The following FOXP1 variants were observed in gnomAD, a reference collection of about 807,000 sequenced individuals.
FOXP1 encodes forkhead box protein P1.
In FOXP1, 15 loss-of-function variants were observed where a neutral mutation model predicts 98.2. The ratio of observed to expected loss-of-function variants is 0.15; its 90% confidence interval spans 0.10 to 0.24. FOXP1 has a LOEUF of 0.24. FOXP1 is among the 10% of genes least tolerant of loss of function. The probability of loss-of-function intolerance (pLI) is 1.00; values close to 1 mark genes in which losing one functional copy is unlikely to be tolerated. For missense variants in FOXP1, 633 were observed against 848.5 expected (o/e 0.75, Z 3.15); for synonymous variants, 371 against 314.5 (o/e 1.18, Z -1.90).
chr3:71,574,673 T>A (rs987027326), intron 2 of FOXP1, among the ~76,000 whole-genome samples: 1 of 152,026 alleles, frequency 6.6e-6, no homozygotes. Context: ...AAAATTAAGA[T>A]GGAATACTCA....
chr3:71,149,371 T>C (rs1031408185), intron 6 of FOXP1, among the ~76,000 whole-genome samples: 2 of 152,230 alleles, frequency 1.3e-5, no homozygotes, highest in Admixed American at 1.3e-4. Context: ...CATTGTTTTT[T>C]TCTTTCCATT....
At chr3:71,072,035 A>T (rs2053306268) in intron 7 of FOXP1, among the ~76,000 whole-genome samples, 1 of 152,216 alleles carries the variant, frequency 6.6e-6, no homozygotes, top group Non-Finnish European at 1.5e-5. Context: ...AACTACCAGA[A>T]ATAGGGCTGG....
intron 7 of FOXP1, among the ~76,000 whole-genome samples, chr3:71,075,562 C>T (rs1413288599): frequency 1.3e-5 from 2 of 152,108 alleles, no homozygotes; most frequent in African/African-American, 4.8e-5. Flanking sequence ...GTCACTAGAC[C>T]AAGAATCATC....
chr3:71,112,513 T>C, intron 7 of FOXP1, 23 bp downstream of exon 7: 1 of 1,571,718 alleles, frequency 6.4e-7, no homozygotes, highest in Non-Finnish European at 8.8e-7. Context: ...TAATGTCAAT[T>C]TAAAAAGAAA....
At chr3:71,508,169 GA>G (rs1331270061) in intron 2 of FOXP1, among the ~76,000 whole-genome samples, 10 of 152,232 alleles carry the variant, frequency 6.6e-5, no homozygotes, top group Admixed American at 4.6e-4. Flanking sequence ...TCTATAGGGG[GA>G]AAAAGGACTA....
intron 7 of FOXP1, among the ~76,000 whole-genome samples, chr3:71,080,130 G>C (rs1261735843): frequency 6.6e-6 from 1 of 152,158 alleles, no homozygotes; most frequent in African/African-American, 2.4e-5. Flanking sequence ...CTTTTCTGCA[G>C]AAACAGACGT....
intron 2 of FOXP1, among the ~76,000 whole-genome samples, chr3:71,495,250 A>G (rs2091325123): frequency 6.6e-6 from 1 of 152,232 alleles, no homozygotes; most frequent in Non-Finnish European, 1.5e-5. Flanking sequence ...TTAGGGACAA[A>G]GGCCACTTCA....
chr3:71,378,104 A>C (rs1004316639), intron 3 of FOXP1, among the ~76,000 whole-genome samples: 20 of 152,138 alleles, frequency 1.3e-4, no homozygotes, highest in African/African-American at 4.1e-4. Context: ...AAACAAAAAA[A>C]AAAAAAAAAG....
chr3:71,372,810 T>C (rs554239013), intron 3 of FOXP1, among the ~76,000 whole-genome samples: 26 of 152,246 alleles, frequency 1.7e-4, no homozygotes, highest in African/African-American at 6.3e-4. Flanking sequence ...ACAAGATCAG[T>C]TACAGAAATG....
intron 3 of FOXP1, among the ~76,000 whole-genome samples, chr3:71,473,967 G>T (rs774118017): frequency 6.6e-6 from 1 of 152,088 alleles, no homozygotes; most frequent in Non-Finnish European, 1.5e-5. Context: ...CACAGAGTAG[G>T]CACCTAATAA....
chr3:71,531,183 T>C (rs895290131), intron 2 of FOXP1, among the ~76,000 whole-genome samples: 5 of 152,250 alleles, frequency 3.3e-5, no homozygotes, highest in Admixed American at 1.3e-4. Flanking sequence ...CTCAGTGCAA[T>C]GCTCAGGCAA....
chr3:71,523,152 C>T (rs996101536), intron 2 of FOXP1, among the ~76,000 whole-genome samples: 2 of 152,120 alleles, frequency 1.3e-5, no homozygotes, highest in Non-Finnish European at 2.9e-5. Flanking sequence ...AGGCAGAGAT[C>T]GAGGCAACGC....
intron 11 of FOXP1, among the ~76,000 whole-genome samples, chr3:71,017,270 A>G (rs1420438082): frequency 1.3e-5 from 2 of 152,126 alleles, no homozygotes; most frequent in Non-Finnish European, 2.9e-5. Context: ...TAGAATTTTA[A>G]GAATTTACTA....
intron 12 of FOXP1, among the ~76,000 whole-genome samples, chr3:71,003,844 T>C (rs999221770): frequency 2.6e-5 from 4 of 152,162 alleles, no homozygotes; most frequent in African/African-American, 9.6e-5. Flanking sequence ...CACTACTTCA[T>C]TATGCTCGCT....
chr3:71,548,286 C>A (rs1399122157), intron 2 of FOXP1, among the ~76,000 whole-genome samples: 1 of 152,212 alleles, frequency 6.6e-6, no homozygotes, highest in East Asian at 1.9e-4. Context: ...CACACACATA[C>A]ACAAATACAC....
At position 71,222,129 on chromosome 3, in the gene FOXP1, G is replaced by T. The variant is rs890076117; in HGVS notation, c.-11-23737C>A. Among the ~76,000 whole-genome samples, 4 of 152,200 alleles carry T rather than the reference G, an allele frequency of 2.6e-5. No homozygotes were observed. The Middle Eastern group carries it at 0.01, about 388-fold the overall frequency. ...GATTGCGACACTGCACTCCAGCCTG[G>T]TGCCAGAGCGAGATTCCGTATCAAA... On this transcript the variant is annotated intron_variant, in intron 5 of 20. Coordinates refer to ENST00000649528, the MANE Select transcript of FOXP1 (RefSeq NM_001349338.3).
chr3:71,174,788 ACAC>A (rs2108239314), intron 6 of FOXP1, among the ~76,000 whole-genome samples: 1 of 116,364 alleles, frequency 8.6e-6, no homozygotes, highest in South Asian at 2.6e-4. Flanking sequence ...ACATGCATAC[ACAC>A]ACACACACAC....
Position 71,172,802 on chromosome 3 carries a change from T to G in FOXP1, c.180+25400A>C, listed in dbSNP as rs1290881101. On this transcript the variant is annotated intron_variant, in intron 6 of 20. Transcript: ENST00000649528. ...TTCGTTAGCTGCCTGGAATTCCATT[T>G]TTAAAGGGCTGCCCTGCCCACTGAT... 2.0e-5 allele frequency among the ~76,000 whole-genome samples: 3 copies of G among 152,202 alleles called. No homozygotes were observed. The East Asian group carries it at 5.8e-4, about 29-fold the overall frequency.
chr3:71,397,455 T>C (rs767571792), intron 3 of FOXP1, among the ~76,000 whole-genome samples: 2 of 152,222 alleles, frequency 1.3e-5, no homozygotes, highest in African/African-American at 2.4e-5. Context: ...GTTCTTTGGA[T>C]TGTTCAACAA....
Sources: gnomAD v4.1 joint callset for allele counts (sites outside exome capture counted in the v4.1 genomes callset) on GRCh38, gnomAD v4.1.1 for gene constraint, MANE v1.5 for transcripts, NCBI Gene and HGNC (gene_info 2026-07-23, HGNC 2026-07-21) for gene names.